Variants in TNFRSF8 observed in about 807,000 individuals in gnomAD.
TNFRSF8 encodes tumor necrosis factor receptor superfamily member 8.
Under a neutral mutation model 70.8 loss-of-function variants are expected in TNFRSF8, and 26 were observed. The ratio of observed to expected loss-of-function variants is 0.37; its 90% CI spans 0.27 to 0.51. The LOEUF (loss-of-function observed/expected upper bound fraction) is 0.51. Ranked by LOEUF, TNFRSF8 falls within the 20% of genes least tolerant of loss-of-function variation. TNFRSF8 has a pLI of 0.94. For synonymous variants in TNFRSF8, 356 were observed against 339.2 expected, an observed-to-expected ratio of 1.05 and a Z score of -0.54; for missense variants, 720 against 807.9, an observed-to-expected ratio of 0.89 and a Z score of 1.32.
intron 4 of TNFRSF8, among the ~76,000 whole-genome samples, chr1:12,105,784 A>G (rs557203190): frequency 1.3e-5 from 2 of 152,138 alleles, no homozygotes; most frequent in Non-Finnish European, 2.9e-5. Flanking sequence ...CTAAAAATAC[A>G]AAAATTAGCC....
At position 12,141,357 on chromosome 1, in the gene TNFRSF8, C is replaced by T. The variant is rs897654104; in HGVS notation, c.1544-930C>T. On this transcript the variant is annotated intron_variant, in intron 14 of 14. Transcript: ENST00000263932. This position sits in a 1 kb window ranked among gnomAD's most constrained non-coding sequence, Gnocchi z 5.4. ...TGGGCGGAGGCCAGGCTTCCCCACT[C>T]CCCAGCTCCTCGGGCCACTGAACCT... Among the ~76,000 whole-genome samples the T allele has an allele frequency of 6.6e-6, 1 of 152,176 alleles. No individual in the cohort carries two copies. The highest frequency in any genetic ancestry group is 1.5e-5 in the Non-Finnish European group (1 of 68,026).
Position 12,126,210 on chromosome 1 carries a change from C to G in TNFRSF8, c.1283C>G (p.Thr428Ser). ...QKLHLCYPVQ[T>S]SQPKLELVDS... is the part of the protein sequence containing the mutation. The stretch of plus-strand genomic sequence containing the variant: ...CTCCACCTGTGCTACCCGGTCCAGA[C>G]CTCCCAGCCCAAGCTAGAGCTTGTG... The change falls in exon 12 of 15, where the codon ACC becomes AGC. Residue 428 changes from threonine to serine, a missense_variant. Thr to Ser is a moderately conservative substitution (Grantham distance 58). Transcript: ENST00000263932. 2 of 1,614,178 alleles carry G rather than the reference C, an allele frequency of 1.2e-6. No individual in the cohort carries two copies. Among genetic ancestry groups the G allele is most frequent in the Non-Finnish European group, 1.7e-6 (2 of 1,180,026 alleles).
In TNFRSF8 at chr1:12,115,987, CTT is replaced by C. The variant is rs576450694; in HGVS notation, c.946+260_946+261del. ...CCTGAAATTATTGGGCTGGTAAAATCTTTATATTTTTGAGATGGAGTTTCGCT... is the reference window on the plus strand; with the variant it reads ...CCTGAAATTATTGGGCTGGTAAAATCTATATTTTTGAGATGGAGTTTCGCT... On this transcript the variant is annotated intron_variant, in intron 8 of 14. Transcript: ENST00000263932. Among the ~76,000 whole-genome samples the C allele has an allele frequency of 1.8e-4, 28 of 152,188 alleles. No individual in the cohort carries two copies. The South Asian group carries it at 3.7e-3, about 20-fold the overall frequency.
intron 10 of TNFRSF8, among the ~76,000 whole-genome samples, chr1:12,124,254 C>A (rs959576176): frequency 6.6e-6 from 1 of 152,124 alleles, no homozygotes; most frequent in Non-Finnish European, 1.5e-5. Context: ...GGTGATCCAC[C>A]TGCTTCAGCC....
rs181940424 is a variant in TNFRSF8 at position 12,082,247 on chromosome 1, A to G, written c.64-2217A>G. Among the ~76,000 whole-genome samples the G allele has an allele frequency of 2.1e-3, 316 of 152,302 alleles. 1 individual carries two copies. The highest frequency in any genetic ancestry group is 7.3e-3 in the African/African-American group (303 of 41,562). On this transcript the variant is annotated intron_variant, in intron 1 of 14. Transcript: ENST00000263932. Reference sequence around the variant, plus strand: ...CTTGAAACACATGGGGGGCTTGGTAAAAACATATCTTCCTGAGGCCGGGCC... The same window carrying G: ...CTTGAAACACATGGGGGGCTTGGTAGAAACATATCTTCCTGAGGCCGGGCC...
intron 8 of TNFRSF8, among the ~76,000 whole-genome samples, chr1:12,118,697 T>C (rs1013858934): frequency 1.3e-5 from 2 of 152,096 alleles, no homozygotes; most frequent in Non-Finnish European, 2.9e-5. Flanking sequence ...CAGCCCATCA[T>C]CTCTAGGTTC....
chr1:12,091,415 T>C (rs954048291), intron 2 of TNFRSF8, among the ~76,000 whole-genome samples: 2 of 151,906 alleles, frequency 1.3e-5, no homozygotes, highest in Non-Finnish European at 2.9e-5. Context: ...GGAGCTGGGG[T>C]ATTTATATGC....
chr1:12,103,068 A>G (rs1169276578), intron 3 of TNFRSF8, among the ~76,000 whole-genome samples: 3 of 152,136 alleles, frequency 2.0e-5, no homozygotes, highest in African/African-American at 7.2e-5. Flanking sequence ...TAAAAAAATT[A>G]ATAAACTATT....
chr1:12,093,666 A>G (rs1183681787), intron 2 of TNFRSF8, among the ~76,000 whole-genome samples: 1 of 151,910 alleles, frequency 6.6e-6, no homozygotes, highest in African/African-American at 2.4e-5. Context: ...TCAGCCTCCC[A>G]GGTAGCTGGT....
intron 2 of TNFRSF8, among the ~76,000 whole-genome samples, chr1:12,096,424 TA>T (rs34433681): frequency 0.41 from 54,840 of 134,956 alleles, 11,311 homozygotes; most frequent in South Asian, 0.52. Flanking sequence ...GCTGATGAGC[TA>T]AAAAAAAAAA....
chr1:12,097,592 G>A (rs1398597780), intron 3 of TNFRSF8, among the ~76,000 whole-genome samples: 1 of 152,186 alleles, frequency 6.6e-6, no homozygotes, highest in Non-Finnish European at 1.5e-5. Flanking sequence ...ACTGGAGTTT[G>A]AGTTGTGGCC....
intron 1 of TNFRSF8, among the ~76,000 whole-genome samples, chr1:12,077,444 G>C (rs1273840071): frequency 6.6e-6 from 1 of 152,170 alleles, no homozygotes; most frequent in Non-Finnish European, 1.5e-5. Flanking sequence ...GAGTAAGGGG[G>C]CCATGAGCCA....
rs1237684809 is a variant in TNFRSF8 at position 12,138,167 on chromosome 1, A to G, written c.1336-62A>G. The stretch of plus-strand genomic sequence containing the variant: ...AGATGAAAAAAAAAAGGGGCCTCCC[A>G]GTTCAGAGACTGGTGGGGAGGTTGG... On this transcript the variant is annotated intron_variant, in intron 13 of 14. Coordinates refer to ENST00000263932, the MANE Select transcript of TNFRSF8 (RefSeq NM_001243.5). This position sits in a 1 kb window ranked among gnomAD's most constrained non-coding sequence, Gnocchi z 5.7. 7 of 1,549,982 alleles carry G rather than the reference A, an allele frequency of 4.5e-6. No individual in the cohort carries two copies. The highest frequency in any genetic ancestry group is 6.1e-6 in the Non-Finnish European group (7 of 1,143,714).
intron 1 of TNFRSF8, among the ~76,000 whole-genome samples, chr1:12,067,610 A>G (rs1640764095): frequency 6.6e-6 from 1 of 151,922 alleles, no homozygotes; most frequent in African/African-American, 2.4e-5. Context: ...AATCGCTTGA[A>G]ACCAGAAGGC....
intron 2 of TNFRSF8, among the ~76,000 whole-genome samples, chr1:12,091,352 G>T (rs147789545): frequency 6.6e-6 from 1 of 152,202 alleles, no homozygotes; most frequent in African/African-American, 2.4e-5. Flanking sequence ...GGCAACTGGG[G>T]CTTAATCCCT....
At chr1:12,124,715 A>G (rs564267363) in intron 10 of TNFRSF8, among the ~76,000 whole-genome samples, 5 of 152,220 alleles carry the variant, frequency 3.3e-5, no homozygotes, top group South Asian at 2.1e-4. Flanking sequence ...CCAGCTACTC[A>G]GGAGGCTGAG....
chr1:12,097,324 G>C, intron 3 of TNFRSF8, 107 bp downstream of exon 3: 2 of 773,358 alleles, frequency 2.6e-6, no homozygotes, highest in South Asian at 3.4e-5. Context: ...TTTGATGTCT[G>C]TTCTCTGAAT....
intron 8 of TNFRSF8, among the ~76,000 whole-genome samples, chr1:12,118,476 G>T (rs1224491587): frequency 6.6e-6 from 1 of 152,168 alleles, no homozygotes; most frequent in Non-Finnish European, 1.5e-5. Flanking sequence ...GCCCTACAAA[G>T]GAGAATAAAA....
In TNFRSF8 at chr1:12,140,226, G is replaced by A. The variant is rs1338506427; in HGVS notation, c.1543+1790G>A. Among the ~76,000 whole-genome samples the A allele has an allele frequency of 3.3e-5, 5 of 152,114 alleles. No homozygotes were observed. The East Asian group carries it at 7.7e-4, about 24-fold the overall frequency. On this transcript the variant is annotated intron_variant, in intron 14 of 14. Transcript: ENST00000263932. ...TGCAGGCCTTGCTGGTGAGTGGATC[G>A]GGGGCCACCTCCGCCATGGTGGAAA...
Sources: gnomAD v4.1 joint callset for allele counts (sites outside exome capture counted in the v4.1 genomes callset) on GRCh38, gnomAD v4.1.1 for gene constraint, Gnocchi (gnomAD v3.1) non-coding constraint, MANE v1.5 for transcripts, NCBI Gene and HGNC (gene_info 2026-07-23, HGNC 2026-07-21) for gene names.